PHF14: variants seen among roughly 807,000 people sequenced by gnomAD.
PHF14 encodes the protein PHD finger protein 14.
A neutral mutation model predicts 117.9 loss-of-function variants in PHF14; 55 were observed. The observed-to-expected ratio is 0.47, with a 90% CI of 0.38 to 0.58. The LOEUF (loss-of-function observed/expected upper bound fraction) is 0.58, where lower values mean the gene tolerates loss of function less well. Among genes scored for constraint, PHF14 ranks in the 20% least tolerant of loss-of-function variants. PHF14 has a pLI of 0.00. For synonymous variants in PHF14, 409 were observed against 368.6 expected (o/e 1.11, Z -1.26); for missense variants, 978 against 1,122.2 (o/e 0.87, Z 1.84).
At chr7:11,035,257 C>G (rs563101868) in intron 7 of PHF14, among the ~76,000 whole-genome samples, 5 of 152,010 alleles carry the variant, frequency 3.3e-5, no homozygotes, top group Admixed American at 2.6e-4. Context: ...AAACTAGATG[C>G]AAATACCACA....
intron 7 of PHF14, among the ~76,000 whole-genome samples, chr7:11,034,387 GAATA>G (rs1449104605): frequency 2.6e-5 from 4 of 151,884 alleles, no homozygotes; most frequent in Non-Finnish European, 4.4e-5. Flanking sequence ...GTTTTTGATA[GAATA>G]AATATTCTTT....
intron 14 of PHF14, among the ~76,000 whole-genome samples, chr7:11,054,736 AT>A (rs1784959498): frequency 6.6e-6 from 1 of 152,110 alleles, no homozygotes; most frequent in African/African-American, 2.4e-5. Context: ...TTTCTCTCCC[AT>A]TGTTACATTT....
intron 7 of PHF14, among the ~76,000 whole-genome samples, chr7:11,030,742 A>G (rs1784094147): frequency 6.6e-6 from 1 of 152,110 alleles, no homozygotes; most frequent in Non-Finnish European, 1.5e-5. Flanking sequence ...GGAGCCCTGG[A>G]TGCTGGAATA....
chr7:11,113,369 A>C (rs571257767), intron 17 of PHF14, among the ~76,000 whole-genome samples: 1 of 152,262 alleles, frequency 6.6e-6, no homozygotes, highest in Admixed American at 6.5e-5. Flanking sequence ...TCTCTACCAC[A>C]GAATGGGTCT....
chr7:11,030,384 G>A (rs1337361956), intron 7 of PHF14, among the ~76,000 whole-genome samples: 2 of 152,070 alleles, frequency 1.3e-5, no homozygotes, highest in East Asian at 3.9e-4. Context: ...TGGAGCCAGT[G>A]GAGAGCTTTC....
At chr7:10,976,157 T>C (rs956893120) in intron 2 of PHF14, among the ~76,000 whole-genome samples, 38 of 152,320 alleles carry the variant, frequency 2.5e-4, no homozygotes, top group African/African-American at 8.9e-4. Flanking sequence ...CAAGAGTTGA[T>C]GGACGGAATC....
intron 3 of PHF14, among the ~76,000 whole-genome samples, 193 bp downstream of exon 3, chr7:10,983,352 G>A (rs1335664069): frequency 6.6e-6 from 1 of 152,030 alleles, no homozygotes; most frequent in African/African-American, 2.4e-5. Context: ...ATTTGTCACC[G>A]TTCTCAAGGA....
In PHF14 at chr7:10,974,204, C is replaced by T. The variant is rs1283392099; in HGVS notation, c.-120C>T. 8.1e-6 allele frequency: 7 copies of T among 869,242 alleles called. No individual in the cohort carries two copies. Among genetic ancestry groups the T allele is most frequent in the Non-Finnish European group, 1.3e-5 (7 of 539,262 alleles). The allele number at this position is 869,242 out of a possible 1,614,324, so 53.8% of individuals were successfully genotyped here. On this transcript the variant is annotated 5_prime_UTR_variant, in exon 1 of 18. Transcript: ENST00000634607. ...CGCCCCTGTCCGGCTGGCTGCGCGC[C>T]GGTTTTAAATAGCATCTTTCGGACT...
At chr7:11,118,760 T>A (rs1308984991) in intron 17 of PHF14, among the ~76,000 whole-genome samples, 1 of 151,884 alleles carries the variant, frequency 6.6e-6, no homozygotes, top group East Asian at 1.9e-4. Context: ...TCAGTATTGA[T>A]CTGTTTGGTT....
intron 7 of PHF14, among the ~76,000 whole-genome samples, chr7:11,030,592 C>T (rs1343589263): frequency 6.6e-6 from 1 of 152,116 alleles, no homozygotes; most frequent in Non-Finnish European, 1.5e-5. Flanking sequence ...TATTAAGCTA[C>T]ATAGTTTACA....
intron 14 of PHF14, among the ~76,000 whole-genome samples, chr7:11,058,587 CA>C (rs1352119872): frequency 1.3e-5 from 2 of 152,070 alleles, no homozygotes; most frequent in Non-Finnish European, 2.9e-5. Flanking sequence ...ATGGAGCTAC[CA>C]AATTATGTAG....
Position 10,976,502 on chromosome 7 carries a change from A to G in PHF14, c.112+1557A>G, listed in dbSNP as rs184927015. On this transcript the variant is annotated intron_variant, in intron 2 of 17. Coordinates refer to ENST00000634607, the MANE Select transcript of PHF14 (RefSeq NM_001007157.2). Reference sequence around the variant, plus strand: ...ATTCTTTGAATATGGGAACAATTCTAAAACTTACATTAAGTATTACATTAT... The same window carrying G: ...ATTCTTTGAATATGGGAACAATTCTGAAACTTACATTAAGTATTACATTAT... Among the ~76,000 whole-genome samples, 572 of 152,262 alleles carry G rather than the reference A, an allele frequency of 3.8e-3. 4 individuals carry two copies. Among genetic ancestry groups the G allele is most frequent in the African/African-American group, 0.013 (549 of 41,552 alleles).
intron 17 of PHF14, among the ~76,000 whole-genome samples, chr7:11,128,704 C>G (rs538308013): frequency 1.3e-5 from 2 of 151,702 alleles, no homozygotes; most frequent in East Asian, 3.9e-4. Context: ...CTCTCTCCCC[C>G]CGCCCCCACT....
chr7:11,008,734 C>T (rs1187704049), intron 4 of PHF14, among the ~76,000 whole-genome samples: 1 of 152,032 alleles, frequency 6.6e-6, no homozygotes, highest in Non-Finnish European at 1.5e-5. Context: ...AACAATATTA[C>T]TCATTTTAAA....
intron 16 of PHF14, among the ~76,000 whole-genome samples, chr7:11,083,473 T>TA (rs1359679385): frequency 5.3e-4 from 79 of 149,224 alleles, no homozygotes; most frequent in Middle Eastern, 3.4e-3. Flanking sequence ...TATTTTTTTT[T>TA]TTTTTTTTTT....
chr7:11,003,728 T>A (rs1188364312), intron 4 of PHF14, among the ~76,000 whole-genome samples: 4 of 152,208 alleles, frequency 2.6e-5, no homozygotes, highest in African/African-American at 7.2e-5. Context: ...TTACCTTGAA[T>A]TAATTCATTA....
chr7:11,109,569 G>A (rs923798267), intron 16 of PHF14: 1 of 151,786 alleles, frequency 6.6e-6, no homozygotes, highest in South Asian at 2.1e-4. Context: ...ATACTTTGAA[G>A]GTTTCTATAT....
chr7:11,005,398 G>C (rs1338000084), intron 4 of PHF14, among the ~76,000 whole-genome samples: 1 of 151,996 alleles, frequency 6.6e-6, no homozygotes, highest in African/African-American at 2.4e-5. Context: ...ACTGATTGCT[G>C]TTTCTGTTAC....
At chr7:11,145,143 A>T (rs1471205038) in intron 17 of PHF14, among the ~76,000 whole-genome samples, 2 of 152,016 alleles carry the variant, frequency 1.3e-5, no homozygotes, top group African/African-American at 4.8e-5. Flanking sequence ...GATTAAAAAA[A>T]AACCCTCGGG....
Sources: gnomAD v4.1 joint callset for allele counts (sites outside exome capture counted in the v4.1 genomes callset) on GRCh38, gnomAD v4.1.1 for gene constraint, MANE v1.5 for transcripts, NCBI Gene and HGNC (gene_info 2026-07-23, HGNC 2026-07-21) for gene names.